The following OSBPL10 variants were observed in gnomAD, a reference collection of about 807,000 sequenced individuals.
OSBPL10 encodes oxysterol-binding protein-related protein 10.
Under a neutral mutation model 81.7 loss-of-function variants are expected in OSBPL10, and 49 were observed. That is an observed-to-expected ratio of 0.60 (90% CI 0.48 to 0.76). The LOEUF is 0.76. Among genes scored for constraint, OSBPL10 ranks in the 30% least tolerant of loss-of-function variants. OSBPL10 has a pLI of 0.00. For synonymous variants in OSBPL10, 419 were observed against 383.6 expected, an observed-to-expected ratio of 1.09 and a Z score of -1.08; for missense variants, 923 against 987.8, an observed-to-expected ratio of 0.93 and a Z score of 0.88.
intron 7 of OSBPL10, 107 bp from the exon 8 acceptor site, chr3:31,684,221 A>G: frequency 7.1e-7 from 1 of 1,417,584 alleles, no homozygotes; most frequent in Non-Finnish European, 9.5e-7. Context: ...TAACATCTCC[A>G]GCCAGGGAGC....
rs1700725625 is a variant in OSBPL10, at chr3:31,683,950, G to A, written c.1410C>T (p.Arg470=). Residue 470 remains arginine, a synonymous_variant, in exon 8 of 12, where the codon CGC becomes CGT. Transcript: ENST00000396556. Reference sequence around the variant, plus strand: ...AGGGCTTCTTGGCTAAAGCGCCCTTGCGGCCCTCGTGAAAGGCTGTGAGAT... The same window carrying A: ...AGGGCTTCTTGGCTAAAGCGCCCTTACGGCCCTCGTGAAAGGCTGTGAGAT... ...EYYLTAFHEG[R]KGALAKKPYN... 1 of 1,614,250 alleles carries A rather than the reference G, an allele frequency of 6.2e-7. No homozygotes were observed. The highest frequency in any genetic ancestry group is 2.2e-5 in the East Asian group (1 of 44,880).
intron 1 of OSBPL10, among the ~76,000 whole-genome samples, chr3:31,905,006 A>G (rs903617905): frequency 3.9e-5 from 6 of 152,228 alleles, no homozygotes; most frequent in Non-Finnish European, 8.8e-5. Flanking sequence ...CAACAAAGGA[A>G]TCGAGTAATA....
chr3:31,951,557 T>G (rs899341523), intron 1 of OSBPL10, among the ~76,000 whole-genome samples: 2 of 152,044 alleles, frequency 1.3e-5, no homozygotes, highest in Admixed American at 1.3e-4. Context: ...AGCTCATGCC[T>G]GTTCATTTTC....
intron 2 of OSBPL10, among the ~76,000 whole-genome samples, chr3:32,034,416 C>T (rs964049305): frequency 2.1e-5 from 3 of 139,728 alleles, no homozygotes; most frequent in Non-Finnish European, 3.0e-5. Flanking sequence ...ACTCCAGCCT[C>T]GGTGACAGAG....
At chr3:32,012,212 A>T (rs949743798) in intron 2 of OSBPL10, among the ~76,000 whole-genome samples, 10 of 152,230 alleles carry the variant, frequency 6.6e-5, no homozygotes, top group Non-Finnish European at 1.5e-4. Flanking sequence ...GGTTACCACA[A>T]AGGGAAGCCC....
intron 4 of OSBPL10, among the ~76,000 whole-genome samples, chr3:31,802,967 CCT>C (rs1559471833): frequency 9.8e-6 from 1 of 102,236 alleles, no homozygotes; most frequent in African/African-American, 3.6e-5. Context: ...GGTATTGGGT[CCT>C]TTTTTTTTTT....
intron 1 of OSBPL10, among the ~76,000 whole-genome samples, chr3:31,928,399 G>T (rs1697139131): frequency 6.6e-6 from 1 of 152,150 alleles, no homozygotes; most frequent in African/African-American, 2.4e-5. Flanking sequence ...AGTAATTATT[G>T]TGTGTGCTAC....
At chr3:31,662,933 C>T (rs1052879463) in intron 11 of OSBPL10, 5 of 985,324 alleles carry the variant, frequency 5.1e-6, no homozygotes, top group Admixed American at 6.1e-5. Context: ...CACTCAGTGA[C>T]CCATAAAGGC....
intron 1 of OSBPL10, among the ~76,000 whole-genome samples, chr3:31,914,280 T>G (rs1173376255): frequency 6.6e-6 from 1 of 152,202 alleles, no homozygotes; most frequent in African/African-American, 2.4e-5. Flanking sequence ...AGAATAGCAT[T>G]TCCCGAAAAG....
chr3:31,761,529 TA>T (rs1698040820), intron 4 of OSBPL10, among the ~76,000 whole-genome samples: 1 of 146,132 alleles, frequency 6.8e-6, no homozygotes, highest in South Asian at 2.1e-4. Flanking sequence ...GAAATAAGAC[TA>T]AAGAGGCCTG....
intron 5 of OSBPL10, among the ~76,000 whole-genome samples, chr3:31,738,618 A>T (rs1697258168): frequency 6.6e-6 from 1 of 152,198 alleles, no homozygotes; most frequent in Admixed American, 6.5e-5. Context: ...GCATTGCCTC[A>T]TCTAATCCTA....
chr3:31,776,142 CTG>C (rs1698543012), intron 4 of OSBPL10, among the ~76,000 whole-genome samples: 1 of 152,140 alleles, frequency 6.6e-6, no homozygotes, highest in African/African-American at 2.4e-5. Flanking sequence ...AGTGGCAAAA[CTG>C]TGTGTCAGGT....
intron 11 of OSBPL10, 143 bp downstream of exon 11, chr3:31,663,936 G>A: frequency 6.4e-7 from 1 of 1,573,766 alleles, no homozygotes; most frequent in Non-Finnish European, 8.6e-7. Flanking sequence ...TCCAAAGCTG[G>A]AGTCAGAACC....
chr3:31,829,942 T>A, intron 4 of OSBPL10, 98 bp downstream of exon 4: 1 of 1,265,936 alleles, frequency 7.9e-7, no homozygotes, highest in Non-Finnish European at 1.1e-6. Flanking sequence ...CCTCTCTCCA[T>A]AAATCAAGAC....
chr3:31,879,614 A>T, intron 2 of OSBPL10, 41 bp downstream of exon 2: 1 of 1,564,430 alleles, frequency 6.4e-7, no homozygotes, highest in Non-Finnish European at 8.6e-7. Context: ...CACCATAGCA[A>T]CTAGAGGCCT....
chr3:32,045,121 C>T (rs1699610203), intron 2 of OSBPL10, among the ~76,000 whole-genome samples: 1 of 152,138 alleles, frequency 6.6e-6, no homozygotes, highest in African/African-American at 2.4e-5. Flanking sequence ...TTTAAGATGG[C>T]ATAGTGGGTG....
At chr3:31,836,311 G>A (rs1282708573) in intron 3 of OSBPL10, among the ~76,000 whole-genome samples, 3 of 152,142 alleles carry the variant, frequency 2.0e-5, no homozygotes, top group East Asian at 1.9e-4. Context: ...GCAAATGTGT[G>A]TGCAAATGAA....
intron 8 of OSBPL10, among the ~76,000 whole-genome samples, chr3:31,682,196 C>A (rs1263839430): frequency 6.6e-6 from 1 of 152,042 alleles, no homozygotes; most frequent in Non-Finnish European, 1.5e-5. Flanking sequence ...CCTCCCTAGT[C>A]TCCTTGTTTC....
At chr3:31,712,053 C>G (rs1696272317) in intron 6 of OSBPL10, among the ~76,000 whole-genome samples, 1 of 152,016 alleles carries the variant, frequency 6.6e-6, no homozygotes, top group Non-Finnish European at 1.5e-5. Context: ...GGGGACAGTC[C>G]AACAGAAGAA....
Sources: gnomAD v4.1 joint callset for allele counts (sites outside exome capture counted in the v4.1 genomes callset) on GRCh38, gnomAD v4.1.1 for gene constraint, MANE v1.5 for transcripts, NCBI Gene and HGNC (gene_info 2026-07-23, HGNC 2026-07-21) for gene names.